SSBP2: variants seen among roughly 807,000 people sequenced by gnomAD.
The protein encoded by SSBP2 is single-stranded DNA-binding protein 2.
A neutral mutation model predicts 61.8 loss-of-function variants in SSBP2; 17 were observed. The observed-to-expected ratio is 0.28, with a 90% confidence interval of 0.19 to 0.41. SSBP2 has a LOEUF of 0.41. Ranked by LOEUF, SSBP2 falls within the 10% of genes least tolerant of loss-of-function variation. SSBP2 has a pLI of 1.00. For missense variants in SSBP2, 310 were observed against 458.7 expected, an observed-to-expected ratio of 0.68 and a Z score of 2.96; for synonymous variants, 139 against 141.3, an observed-to-expected ratio of 0.98 and a Z score of 0.12.
At chr5:81,473,052 TTTG>T (rs1336871901) in intron 8 of SSBP2, among the ~76,000 whole-genome samples, 1 of 152,230 alleles carries the variant, frequency 6.6e-6, no homozygotes, top group African/African-American at 2.4e-5. Context: ...TAAAGTATGG[TTTG>T]TTGTTATACC....
At position 81,646,842 on chromosome 5, in the gene SSBP2, C is replaced by T. The variant is rs563173691; in HGVS notation, c.135+3425G>A. On this transcript the variant is annotated intron_variant, in intron 2 of 16. Transcript: ENST00000320672. ...ACCTTAGGTGAAACCCTGGGAAAAC[C>T]GTTCTAGGAAAAGCTACTTCTAAGG... Among the ~76,000 whole-genome samples the T allele has an allele frequency of 4.6e-5, 7 of 151,890 alleles. No homozygotes were observed. In the East Asian group the frequency reaches 1.4e-3, roughly 29 times the overall value.
chr5:81,592,534 G>A (rs909198118), intron 4 of SSBP2, among the ~76,000 whole-genome samples: 6 of 152,206 alleles, frequency 3.9e-5, no homozygotes, highest in Non-Finnish European at 8.8e-5. Context: ...AGAATGGGCA[G>A]ACTGCCTCCT....
chr5:81,442,791 G>A (rs1187255735), intron 12 of SSBP2, 68 bp from the exon 13 acceptor site: 27 of 812,476 alleles, frequency 3.3e-5, no homozygotes, highest in Non-Finnish European at 3.9e-6. Flanking sequence ...ACAAAGTAAT[G>A]ATCAAAGATG....
At chr5:81,551,991 C>CA (rs1772229368) in intron 4 of SSBP2, among the ~76,000 whole-genome samples, 2 of 152,142 alleles carry the variant, frequency 1.3e-5, no homozygotes, top group African/African-American at 4.8e-5. Context: ...TAAAAGGTAT[C>CA]AGTGTATCAA....
At chr5:81,746,371 A>G (rs1297733844) in intron 1 of SSBP2, among the ~76,000 whole-genome samples, 1 of 152,160 alleles carries the variant, frequency 6.6e-6, no homozygotes, top group African/African-American at 2.4e-5. Context: ...TTTCACTTCC[A>G]TAAGATACTC....
intron 1 of SSBP2, among the ~76,000 whole-genome samples, chr5:81,657,234 A>T (rs1750309307): frequency 6.6e-6 from 1 of 152,218 alleles, no homozygotes; most frequent in Non-Finnish European, 1.5e-5. Context: ...TTTATTCTAA[A>T]ATACTATTGT....
rs68107334 is a variant in SSBP2, at chr5:81,646,688, ATTT to A, written c.135+3576_135+3578del. On this transcript the variant is annotated intron_variant, in intron 2 of 16. Coordinates refer to ENST00000320672, the MANE Select transcript of SSBP2 (RefSeq NM_012446.5). ...ACCAGAGTACAAACCTGATGATGTC[ATTT>A]TTTTTTTTTTTTTTTTTTTTTTTAC... Among the ~76,000 whole-genome samples, 332 of 85,930 alleles carry A rather than the reference ATTT, an allele frequency of 3.9e-3. 2 individuals carry two copies. Among genetic ancestry groups the A allele is most frequent in the African/African-American group, 0.014 (309 of 22,336 alleles). The allele number at this position is 85,930 out of a possible 152,430, so 56.4% of individuals were successfully genotyped here.
chr5:81,440,550 A>G lies in SSBP2; in HGVS notation c.928+8T>C. 1 of 1,609,928 alleles carries G rather than the reference A, an allele frequency of 6.2e-7. No individual in the cohort carries two copies. The highest frequency in any genetic ancestry group is 1.7e-4 in the Middle Eastern group (1 of 6,044). On this transcript the variant is annotated splice_region_variant and intron_variant, in intron 14 of 16. Transcript: ENST00000320672. ...ATTTATTCTAAACATCAAATTGAAAAGCCTTACCTAAAGAGCCATTCATGT... is the reference window on the plus strand; with the variant it reads ...ATTTATTCTAAACATCAAATTGAAAGGCCTTACCTAAAGAGCCATTCATGT...
intron 4 of SSBP2, among the ~76,000 whole-genome samples, chr5:81,598,975 T>C (rs1304597974): frequency 6.6e-6 from 1 of 152,216 alleles, no homozygotes; most frequent in Non-Finnish European, 1.5e-5. Context: ...AAAATCTGAC[T>C]CTGCCTTTAT....
At chr5:81,750,712 C>G (rs1757703853) in intron 1 of SSBP2, 1 of 499,326 alleles carries the variant, frequency 2.0e-6, no homozygotes, top group Non-Finnish European at 3.5e-6. Context: ...AAACAAGTTT[C>G]CATCCTCGCC....
chr5:81,461,812 G>C, intron 9 of SSBP2, among the ~76,000 whole-genome samples: 1 of 152,074 alleles, frequency 6.6e-6, no homozygotes, highest in South Asian at 2.1e-4. Context: ...GTATTCCACA[G>C]CTTCTAAGGA....
intron 10 of SSBP2, among the ~76,000 whole-genome samples, chr5:81,451,202 T>C (rs898946295): frequency 3.3e-5 from 5 of 152,144 alleles, no homozygotes; most frequent in Non-Finnish European, 5.9e-5. Context: ...CTCATGGTGA[T>C]TACACCATCC....
At chr5:81,750,935 TGC>T in intron 1 of SSBP2, 44 bp downstream of exon 1, 1 of 1,554,586 alleles carries the variant, frequency 6.4e-7, no homozygotes, top group Non-Finnish European at 8.7e-7. Context: ...TGCGTGAGTG[TGC>T]GCGCGTGTGA....
chr5:81,609,908 T>C (rs1745275898), intron 4 of SSBP2, among the ~76,000 whole-genome samples: 1 of 152,174 alleles, frequency 6.6e-6, no homozygotes, highest in Non-Finnish European at 1.5e-5. Context: ...TCAGCCACAC[T>C]GGGAGAGAAA....
At chr5:81,691,936 C>A (rs1177932193) in intron 1 of SSBP2, among the ~76,000 whole-genome samples, 2 of 152,100 alleles carry the variant, frequency 1.3e-5, no homozygotes, top group Non-Finnish European at 2.9e-5. Context: ...TGCCTTTCCT[C>A]TAAAATCTGG....
chr5:81,475,994 A>C (rs774007976), intron 6 of SSBP2, among the ~76,000 whole-genome samples: 1 of 152,144 alleles, frequency 6.6e-6, no homozygotes, highest in Non-Finnish European at 1.5e-5. Flanking sequence ...CAGAAACTGC[A>C]CAAAGAATTT....
At chr5:81,534,171 G>A (rs1770628836) in intron 4 of SSBP2, among the ~76,000 whole-genome samples, 1 of 152,050 alleles carries the variant, frequency 6.6e-6, no homozygotes, top group Non-Finnish European at 1.5e-5. Context: ...ACAGTCCACA[G>A]GCACAGGCTC....
At chr5:81,683,037 A>T (rs1752514275) in intron 1 of SSBP2, among the ~76,000 whole-genome samples, 1 of 150,042 alleles carries the variant, frequency 6.7e-6, no homozygotes. Flanking sequence ...TGAGAGCGAT[A>T]CCATGTTCAT....
At chr5:81,610,624 C>T (rs1167809526) in intron 4 of SSBP2, among the ~76,000 whole-genome samples, 9 of 152,020 alleles carry the variant, frequency 5.9e-5, no homozygotes, top group Non-Finnish European at 1.0e-4. Context: ...AAGCATATGA[C>T]GTATATGTAG....
Sources: allele counts gnomAD v4.1 joint callset (sites outside exome capture counted in the v4.1 genomes callset), GRCh38; gene constraint gnomAD v4.1.1; transcripts MANE v1.5; gene names NCBI Gene and HGNC (gene_info 2026-07-23, HGNC 2026-07-21).